NETO1: variants seen among roughly 807,000 people sequenced by gnomAD.
NETO1 encodes the protein neuropilin and tolloid like 1.
Under a neutral mutation model 61.3 loss-of-function variants are expected in NETO1, and 26 were observed. The ratio of observed to expected loss-of-function variants is 0.42; its 90% CI spans 0.31 to 0.59. The LOEUF (loss-of-function observed/expected upper bound fraction) is 0.59. Among genes scored for constraint, NETO1 ranks in the 20% least tolerant of loss-of-function variants. The pLI is 0.12. For synonymous variants in NETO1, 225 were observed against 225.8 expected, an observed-to-expected ratio of 1.00 and a Z score of 0.03; for missense variants, 531 against 662.8, an observed-to-expected ratio of 0.80 and a Z score of 2.18.
At position 72,744,387 on chromosome 18, in the gene NETO1, A is replaced by AT. The variant is rs1414067556; in HGVS notation, c.*3791dup. ...CTGGCTATTTTAACAGTGTACTTTT[A>AT]TTTTTCTACCTTATTACACCTTTAA... is the stretch of plus-strand genomic sequence containing the variant. On this transcript the variant is annotated 3_prime_UTR_variant, in exon 11 of 11. Transcript: ENST00000327305. 2 of 152,138 alleles carry AT rather than the reference A, an allele frequency of 1.3e-5. No individual in the cohort carries two copies. Among genetic ancestry groups the AT allele is most frequent in the Non-Finnish European group, 1.5e-5 (1 of 68,004 alleles). The allele number at this position is 152,138 out of a possible 1,614,324, so 9.4% of individuals were successfully genotyped here. A position where few individuals can be genotyped will look rare whatever the true frequency, so the allele number is the denominator to read the frequency against.
Position 72,749,102 on chromosome 18 carries a change from G to C in NETO1, c.1542-14C>G. 1.3e-6 allele frequency: 2 copies of C among 1,501,896 alleles called. No homozygotes were observed. The highest frequency in any genetic ancestry group is 1.9e-6 in the Non-Finnish European group (2 of 1,079,740). 93.0% of individuals were successfully genotyped at this position (1,501,896 alleles called of 1,614,324 possible). On this transcript the variant is annotated splice_polypyrimidine_tract_variant and intron_variant, in intron 9 of 10. Transcript: ENST00000327305. Reference sequence around the variant, plus strand: ...ATGAGGCAGAACCTGGAATGTTATGGCTATTTCATTCAACAAAGTACTATT... The same window carrying C: ...ATGAGGCAGAACCTGGAATGTTATGCCTATTTCATTCAACAAAGTACTATT...
chr18:72,807,089 TACTCTGAGTTAA>T lies in NETO1; in HGVS notation c.470-12697_470-12686del, dbSNP rs150474440. On this transcript the variant is annotated intron_variant, in intron 4 of 10. Transcript: ENST00000327305. Reference sequence around the variant, plus strand: ...AGCTTGCATAATCATATTGTTTTAATACTCTGAGTTAATTCACTCGTCTAGAAGCAGCATTGC... The same window carrying T: ...AGCTTGCATAATCATATTGTTTTAATTTCACTCGTCTAGAAGCAGCATTGC... 6.5e-3 allele frequency among the ~76,000 whole-genome samples: 985 copies of T among 152,330 alleles called. 10 individuals are homozygous for T. The highest frequency in any genetic ancestry group is 0.022 in the African/African-American group (931 of 41,582).
chr18:72,763,778 G>A (rs2071061774), intron 7 of NETO1, among the ~76,000 whole-genome samples: 1 of 152,148 alleles, frequency 6.6e-6, no homozygotes, highest in African/African-American at 2.4e-5. Flanking sequence ...AGCTGGGGGA[G>A]GAAACAGCTT....
chr18:72,804,593 T>C (rs2072614375), intron 4 of NETO1, among the ~76,000 whole-genome samples: 1 of 152,154 alleles, frequency 6.6e-6, no homozygotes, highest in Admixed American at 6.6e-5. Flanking sequence ...TATTTCTGAG[T>C]CTTATTTTCC....
intron 4 of NETO1, among the ~76,000 whole-genome samples, chr18:72,835,880 G>A (rs57053951): frequency 0.014 from 2,056 of 152,250 alleles, 57 homozygotes; most frequent in African/African-American, 0.047. Flanking sequence ...CCACAGGGTC[G>A]TGAGAGGAAA....
chr18:72,867,248 C>A lies in NETO1; in HGVS notation c.28+16G>T. 1 of 1,540,766 alleles carries A rather than the reference C, an allele frequency of 6.5e-7. No individual in the cohort carries two copies. Among genetic ancestry groups the A allele is most frequent in the South Asian group, 1.2e-5 (1 of 80,914 alleles). ...TGGCTCCGGGAGCGCACGGGCGCGG[C>A]GGGGAGGGTACTCACTGTGAAGCAC... is the stretch of plus-strand genomic sequence containing the variant. On this transcript the variant is annotated intron_variant, in intron 1 of 10. Coordinates refer to ENST00000327305, the MANE Select transcript of NETO1 (RefSeq NM_138966.5).
chr18:72,758,609 G>A (rs550651252), intron 7 of NETO1, among the ~76,000 whole-genome samples: 161 of 152,188 alleles, frequency 1.1e-3, no homozygotes, highest in African/African-American at 3.6e-3. Context: ...CTCTGAGGTG[G>A]GCGAATCACC....
chr18:72,844,936 AG>A (rs1184833260), intron 4 of NETO1, among the ~76,000 whole-genome samples: 14 of 90,546 alleles, frequency 1.5e-4, no homozygotes, highest in Admixed American at 9.6e-4. Context: ...GCAGCACTGA[AG>A]CGCAGGTCTT....
chr18:72,775,724 T>G (rs1341970960), intron 7 of NETO1, among the ~76,000 whole-genome samples: 1 of 152,210 alleles, frequency 6.6e-6, no homozygotes, highest in African/African-American at 2.4e-5. Context: ...TCAAAAGTAG[T>G]AAAGATATTC....
rs549315615 is a variant in NETO1, at chr18:72,806,476, G to A, written c.470-12072C>T. Among the ~76,000 whole-genome samples, 20 of 152,120 alleles carry A rather than the reference G, an allele frequency of 1.3e-4. No homozygotes were observed. The South Asian group carries it at 1.5e-3, about 11-fold the overall frequency. On this transcript the variant is annotated intron_variant, in intron 4 of 10. Coordinates refer to ENST00000327305, the MANE Select transcript of NETO1 (RefSeq NM_138966.5). The stretch of plus-strand genomic sequence containing the variant: ...TAATCACTCCTATACATAGTAGTTG[G>A]CATATCAATTATCTTCCTCCAATTC...
At chr18:72,818,080 C>G (rs2073082356) in intron 4 of NETO1, among the ~76,000 whole-genome samples, 1 of 152,068 alleles carries the variant, frequency 6.6e-6, no homozygotes, top group Non-Finnish European at 1.5e-5. Context: ...TAAATAAGAT[C>G]AGCTTTCGTA....
Position 72,794,197 on chromosome 18 carries a change from G to T in NETO1, c.559C>A (p.Gln187Lys), listed in dbSNP as rs1568205619. The change falls in exon 6 of 11, where the codon CAA becomes AAA. Residue 187 changes from glutamine to lysine, a missense_variant. Physicochemically the swap from Gln to Lys is moderately conservative, Grantham distance 53 (BLOSUM62 1). Coordinates refer to ENST00000327305, the MANE Select transcript of NETO1 (RefSeq NM_138966.5). ...GGSEGIVESI[Q>K]IMKEGKATAS... ...GTAGCTTTGCCTTCCTTCATAATTT[G>T]TATAGACTCCACAATTCCTTCGGAA... 3 of 1,614,122 alleles carry T rather than the reference G, an allele frequency of 1.9e-6. No individual in the cohort carries two copies. The highest frequency in any genetic ancestry group is 1.7e-6 in the Non-Finnish European group (2 of 1,180,018).
chr18:72,813,946 G>A (rs2145228647), intron 4 of NETO1, among the ~76,000 whole-genome samples: 1 of 152,186 alleles, frequency 6.6e-6, no homozygotes, highest in African/African-American at 2.4e-5. Flanking sequence ...ACTCATGAAA[G>A]GAGTGGTAAT....
At chr18:72,798,558 AAGTCAAAATCCGCCACTTATTTT>A (rs2072396040) in intron 4 of NETO1, among the ~76,000 whole-genome samples, 1 of 152,154 alleles carries the variant, frequency 6.6e-6, no homozygotes. Flanking sequence ...GGCAGGCTTT[AAGTCAAAATCCGCCACTTATTTT>A]AGTCCGCATG....
chr18:72,755,509 T>G (rs559128690), intron 8 of NETO1, among the ~76,000 whole-genome samples: 1 of 152,178 alleles, frequency 6.6e-6, no homozygotes, highest in East Asian at 1.9e-4. Context: ...CCTTTGTGTA[T>G]AGACAAGGGA....
At chr18:72,848,445 C>A (rs1194880440) in intron 4 of NETO1, among the ~76,000 whole-genome samples, 1 of 152,128 alleles carries the variant, frequency 6.6e-6, no homozygotes, top group Non-Finnish European at 1.5e-5. Context: ...CTCTGAGACA[C>A]AATTTCTCTC....
intron 4 of NETO1, among the ~76,000 whole-genome samples, chr18:72,807,712 AAG>A (rs1317307804): frequency 3.1e-5 from 3 of 97,438 alleles, no homozygotes; most frequent in African/African-American, 9.5e-5. Flanking sequence ...CAATGAAGAC[AAG>A]AACACACACA....
rs555093671 is a variant in NETO1 at position 72,819,353 on chromosome 18, T to C, written c.470-24949A>G. 3.3e-5 allele frequency among the ~76,000 whole-genome samples: 5 copies of C among 152,328 alleles called. No homozygotes were observed. The South Asian group carries it at 1.0e-3, about 32-fold the overall frequency. Reference sequence around the variant, plus strand: ...AACCTTTACATATATCTGCCTTTCCTTGTGTTACAAAAAAGGATGGGCTTC... The same window carrying C: ...AACCTTTACATATATCTGCCTTTCCCTGTGTTACAAAAAAGGATGGGCTTC... On this transcript the variant is annotated intron_variant, in intron 4 of 10. Coordinates refer to ENST00000327305, the MANE Select transcript of NETO1 (RefSeq NM_138966.5).
chr18:72,774,239 C>G (rs1159458688), intron 7 of NETO1, among the ~76,000 whole-genome samples: 1 of 152,076 alleles, frequency 6.6e-6, no homozygotes, highest in Non-Finnish European at 1.5e-5. Flanking sequence ...AGTTATAACT[C>G]ATTCATCCAT....
Sources: gnomAD v4.1 joint callset for allele counts (sites outside exome capture counted in the v4.1 genomes callset) on GRCh38, gnomAD v4.1.1 for gene constraint, MANE v1.5 for transcripts, NCBI Gene and HGNC (gene_info 2026-07-23, HGNC 2026-07-21) for gene names.